The following BAG4 variants were observed in gnomAD, a reference collection of about 807,000 sequenced individuals.
BAG4 encodes the protein BAG cochaperone 4, also known as BAG family molecular chaperone regulator 4.
BAG4 carries 28 observed loss-of-function variants against 52.1 expected under a neutral mutation model. The observed-to-expected ratio is 0.54, with a 90% confidence interval of 0.40 to 0.74. BAG4 has a LOEUF of 0.74. BAG4 is among the 30% of genes least tolerant of loss of function. BAG4 has a pLI of 0.00. For synonymous variants in BAG4, 208 were observed against 217.0 expected (o/e 0.96, Z 0.37); for missense variants, 525 against 572.0 (o/e 0.92, Z 0.84).
intron 2 of BAG4, among the ~76,000 whole-genome samples, chr8:38,199,203 C>T (rs1374873272): frequency 6.6e-6 from 1 of 152,232 alleles, no homozygotes; most frequent in Non-Finnish European, 1.5e-5. Flanking sequence ...ATGCATTGTG[C>T]TATCCATATG....
chr8:38,185,779 G>C (rs1196251391), intron 1 of BAG4, among the ~76,000 whole-genome samples: 1 of 152,150 alleles, frequency 6.6e-6, no homozygotes, highest in East Asian at 1.9e-4. Flanking sequence ...TGGTCAGGTT[G>C]GTCTTGAACT....
intron 1 of BAG4, 98 bp downstream of exon 1, chr8:38,177,237 G>T (rs918955794): frequency 2.2e-5 from 33 of 1,506,666 alleles, no homozygotes; most frequent in Non-Finnish European, 2.8e-5. Context: ...TTATGTGGAG[G>T]AGGGTGTGTT....
chr8:38,188,925 C>T (rs1462586110), intron 1 of BAG4, among the ~76,000 whole-genome samples: 1 of 151,042 alleles, frequency 6.6e-6, no homozygotes, highest in Non-Finnish European at 1.5e-5. Flanking sequence ...TCCCAAGTAG[C>T]TAGGACTACG....
chr8:38,183,035 TC>T (rs1193277960), intron 1 of BAG4, among the ~76,000 whole-genome samples: 40 of 140,336 alleles, frequency 2.9e-4, no homozygotes, highest in Non-Finnish European at 4.7e-4. Flanking sequence ...TACTGACCCA[TC>T]TTTTTTTTTT....
intron 2 of BAG4, 43 bp downstream of exon 2, chr8:38,192,838 A>G: frequency 3.4e-6 from 5 of 1,449,996 alleles, no homozygotes; most frequent in Non-Finnish European, 4.7e-6. Flanking sequence ...TTTCTTAATG[A>G]ATAGATTTAT....
In BAG4 at chr8:38,198,827, C is replaced by T. The variant is rs944621918; in HGVS notation, c.378+6032C>T. Among the ~76,000 whole-genome samples, 16 of 152,010 alleles carry T rather than the reference C, an allele frequency of 1.1e-4. 1 individual carries two copies. Among genetic ancestry groups the T allele is most frequent in the Middle Eastern group, 3.2e-3 (1 of 316 alleles). On this transcript the variant is annotated intron_variant, in intron 2 of 4. Transcript: ENST00000287322. ...AAACTGTTTGTGTTAAAAAGGGAGA[C>T]GCAAACATACATTAGCATAGGCCAA... is the stretch of plus-strand genomic sequence containing the variant.
At chr8:38,184,617 G>C (rs1485627786) in intron 1 of BAG4, among the ~76,000 whole-genome samples, 1 of 152,178 alleles carries the variant, frequency 6.6e-6, no homozygotes, top group African/African-American at 2.4e-5. Flanking sequence ...TGACTGCTGC[G>C]TACAGGTTGA....
intron 1 of BAG4, among the ~76,000 whole-genome samples, chr8:38,189,143 C>G (rs917804403): frequency 1.3e-5 from 2 of 151,974 alleles, no homozygotes; most frequent in African/African-American, 4.8e-5. Context: ...CGAGGTTTCA[C>G]CATGTGGGCC....
intron 1 of BAG4, among the ~76,000 whole-genome samples, chr8:38,181,932 GAGTT>G (rs1469024163): frequency 3.3e-5 from 4 of 121,238 alleles, no homozygotes; most frequent in Admixed American, 8.6e-5. Flanking sequence ...TAAGGGAAAA[GAGTT>G]AGAGTTGAGA....
chr8:38,187,087 G>A (rs1803375458), intron 1 of BAG4, among the ~76,000 whole-genome samples: 1 of 152,168 alleles, frequency 6.6e-6, no homozygotes, highest in Non-Finnish European at 1.5e-5. Flanking sequence ...TGGAAAAAAA[G>A]CAGGTAACAG....
At chr8:38,180,941 A>ATTT (rs56111009) in intron 1 of BAG4, among the ~76,000 whole-genome samples, 119 of 138,326 alleles carry the variant, frequency 8.6e-4, no homozygotes, top group Middle Eastern at 3.8e-3. Context: ...ATCTATCACT[A>ATTT]TTTTTTTTTT....
chr8:38,197,899 C>T (rs1803590109), intron 2 of BAG4, among the ~76,000 whole-genome samples: 1 of 151,966 alleles, frequency 6.6e-6, no homozygotes, highest in African/African-American at 2.4e-5. Flanking sequence ...AGGGTTTCAT[C>T]ATGTTGGCCA....
At position 38,201,855 on chromosome 8, in the gene BAG4, TATATATATATATATATATATA is replaced by T. The variant is rs1563284007; in HGVS notation, c.379-5656_379-5636del. On this transcript the variant is annotated intron_variant, in intron 2 of 4. Coordinates refer to ENST00000287322, the MANE Select transcript of BAG4 (RefSeq NM_004874.4). ...GAATTTATATATATATATATATATA[TATATATATATATATATATATA>T]TATATTTTTTTTTTTTTTTTTTTTT... The T allele has an allele frequency of 2.0e-3, 17 of 8,318 alleles. 2 individuals are homozygous for T. The highest frequency in any genetic ancestry group is 4.9e-3 in the South Asian group (2 of 406). The allele number at this position is 8,318 out of a possible 1,614,324, so 0.5% of individuals were successfully genotyped here. A position where few individuals can be genotyped will look rare whatever the true frequency, so the allele number is the denominator to read the frequency against.
chr8:38,200,507 A>G (rs1169349694), intron 2 of BAG4, among the ~76,000 whole-genome samples: 1 of 151,848 alleles, frequency 6.6e-6, no homozygotes, highest in African/African-American at 2.4e-5. Context: ...CTTCTTCCAT[A>G]TGGTTTCGGC....
At chr8:38,209,529 G>A (rs1484259822) in intron 4 of BAG4, 4 of 491,890 alleles carry the variant, frequency 8.1e-6, no homozygotes, top group East Asian at 7.2e-5. Flanking sequence ...TCTTCTAAAC[G>A]TTAAATGCAA....
At chr8:38,177,912 T>G (rs1236077785) in intron 1 of BAG4, among the ~76,000 whole-genome samples, 1 of 152,206 alleles carries the variant, frequency 6.6e-6, no homozygotes, top group African/African-American at 2.4e-5. Context: ...CGTTCAAGAA[T>G]TATCCTCATT....
intron 1 of BAG4, among the ~76,000 whole-genome samples, chr8:38,179,409 G>A (rs1030883615): frequency 2.0e-5 from 3 of 151,464 alleles, no homozygotes; most frequent in Admixed American, 6.6e-5. Context: ...CTCCTGCCTC[G>A]GCCTCCAAAA....
rs571523697 is a variant in BAG4, at chr8:38,200,259, G to T, written c.379-7253G>T. 6.6e-5 allele frequency among the ~76,000 whole-genome samples: 10 copies of T among 151,616 alleles called. No individual in the cohort carries two copies. In the South Asian group the frequency reaches 2.1e-3, roughly 32 times the overall value. On this transcript the variant is annotated intron_variant, in intron 2 of 4. Transcript: ENST00000287322. ...TGACCTCTAGTGATCCACCTGCCTC[G>T]GCCTCCCAAAGTGCTGGAATTACAG...
At chr8:38,209,321 C>A in intron 4 of BAG4, 54 bp downstream of exon 4, 1 of 1,607,774 alleles carries the variant, frequency 6.2e-7, no homozygotes, top group Non-Finnish European at 8.5e-7. Flanking sequence ...GAGAACATAA[C>A]ATGGTTTATA....
Sources: gnomAD v4.1 joint callset for allele counts (sites outside exome capture counted in the v4.1 genomes callset) on GRCh38, gnomAD v4.1.1 for gene constraint, MANE v1.5 for transcripts, NCBI Gene and HGNC (gene_info 2026-07-23, HGNC 2026-07-21) for gene names.